The following PLXNA4 variants were observed in gnomAD, a reference collection of about 807,000 sequenced individuals.
PLXNA4 encodes plexin A4, also known as plexin-A4.
In PLXNA4, 44 loss-of-function variants were observed where a neutral mutation model predicts 191.8. That is an observed-to-expected ratio of 0.23 (90% CI 0.18 to 0.29). The LOEUF (loss-of-function observed/expected upper bound fraction) is 0.29, where lower values mean the gene tolerates loss of function less well. Ranked by LOEUF, PLXNA4 falls within the 10% of genes least tolerant of loss-of-function variation. The pLI is 1.00. For missense variants in PLXNA4, 1,800 were observed against 2,488.8 expected, an observed-to-expected ratio of 0.72 and a Z score of 5.89; for synonymous variants, 1,082 against 1,009.5, an observed-to-expected ratio of 1.07 and a Z score of -1.36.
intron 3 of PLXNA4, among the ~76,000 whole-genome samples, chr7:132,448,472 G>A (rs1300412112): frequency 6.6e-6 from 1 of 152,204 alleles, no homozygotes; most frequent in East Asian, 1.9e-4. Flanking sequence ...TTCATGAAGA[G>A]GGTGCCCAGT....
At chr7:132,354,463 G>T (rs922473744) in intron 3 of PLXNA4, among the ~76,000 whole-genome samples, 3 of 152,150 alleles carry the variant, frequency 2.0e-5, no homozygotes, top group African/African-American at 7.2e-5. Flanking sequence ...GATGGCAGAG[G>T]GTGGTAGGCA....
At chr7:132,606,089 G>A (rs913020276) in intron 2 of PLXNA4, among the ~76,000 whole-genome samples, 2 of 152,172 alleles carry the variant, frequency 1.3e-5, no homozygotes, top group East Asian at 3.9e-4. Flanking sequence ...GCTTGAACCT[G>A]GGAGGCGGAG....
At chr7:132,613,617 GTGA>G (rs1325914010) in intron 2 of PLXNA4, among the ~76,000 whole-genome samples, 3 of 152,146 alleles carry the variant, frequency 2.0e-5, no homozygotes, top group African/African-American at 7.2e-5. Context: ...GGGCGACGGG[GTGA>G]TGGAGAAAAC....
Position 132,174,793 on chromosome 7 carries a change from G to A in PLXNA4, c.4002C>T (p.Val1334=). 6.2e-7 allele frequency: 1 copy of A among 1,614,160 alleles called. No individual in the cohort carries two copies. Among genetic ancestry groups the A allele is most frequent in the Non-Finnish European group, 8.5e-7 (1 of 1,179,976 alleles). The change falls in exon 21 of 32, where the codon GTC becomes GTT. Residue 1334 remains valine, a synonymous_variant. Transcript: ENST00000321063. The part of the protein sequence containing the change: ...VLFPGIEDHP[V]LRDLEVPGYR... ...TGCTTCTCACCTCAAGGTCCCGGAG[G>A]ACAGGGTGGTCTTCAATTCCTGGGA... is the stretch of plus-strand genomic sequence containing the variant.
chr7:132,418,999 T>C (rs1794755791), intron 3 of PLXNA4, among the ~76,000 whole-genome samples: 1 of 152,214 alleles, frequency 6.6e-6, no homozygotes, highest in Non-Finnish European at 1.5e-5. Flanking sequence ...ATCTCACTTC[T>C]TGTCACCACG....
At chr7:132,611,492 CCT>C (rs2116854286) in intron 2 of PLXNA4, among the ~76,000 whole-genome samples, 1 of 152,298 alleles carries the variant, frequency 6.6e-6, no homozygotes, top group South Asian at 2.1e-4. Context: ...GTACCCAACT[CCT>C]TCACAACTTC....
At chr7:132,389,830 G>A (rs1805323672) in intron 3 of PLXNA4, among the ~76,000 whole-genome samples, 1 of 152,132 alleles carries the variant, frequency 6.6e-6, no homozygotes, top group South Asian at 2.1e-4. Context: ...GCCTGATCAG[G>A]ATAGCATTAA....
intron 3 of PLXNA4, among the ~76,000 whole-genome samples, chr7:132,319,370 G>A (rs569005624): frequency 1.3e-5 from 2 of 152,278 alleles, no homozygotes; most frequent in African/African-American, 4.8e-5. Flanking sequence ...TTGAGAAATA[G>A]AAAACTAGCA....
intron 12 of PLXNA4, among the ~76,000 whole-genome samples, chr7:132,200,313 T>C (rs1253942804): frequency 6.6e-6 from 1 of 152,082 alleles, no homozygotes; most frequent in Non-Finnish European, 1.5e-5. Context: ...CCTGGGTTGG[T>C]TTCTTGTTGA....
intron 2 of PLXNA4, among the ~76,000 whole-genome samples, chr7:132,609,917 C>A (rs375611956): frequency 1.3e-5 from 2 of 152,282 alleles, no homozygotes; most frequent in South Asian, 4.2e-4. Context: ...GAGAGATGCC[C>A]ATTTTTTCCC....
intron 12 of PLXNA4, 33 bp downstream of exon 12, chr7:132,202,613 C>T: frequency 2.1e-6 from 3 of 1,437,026 alleles, no homozygotes; most frequent in East Asian, 5.2e-5. Context: ...TGGAGCCTGC[C>T]CATTTGGAGC....
chr7:132,441,478 A>C (rs986340761), intron 3 of PLXNA4, among the ~76,000 whole-genome samples: 1 of 152,060 alleles, frequency 6.6e-6, no homozygotes, highest in African/African-American at 2.4e-5. Context: ...ATAACAACAA[A>C]ATTCTCTTAA....
rs573024027 is a variant in PLXNA4 at position 132,199,448 on chromosome 7, CA to C, written c.2587-813del. Among the ~76,000 whole-genome samples, 353 of 152,288 alleles carry C rather than the reference CA, an allele frequency of 2.3e-3. 1 individual carries two copies. Among genetic ancestry groups the C allele is most frequent in the African/African-American group, 8.0e-3 (332 of 41,568 alleles). On this transcript the variant is annotated intron_variant, in intron 12 of 31. Transcript: ENST00000321063. ...CTGGCTTTCCCTCCTAAATCAGTGT[CA>C]AAAACCCATGATTAAAATGTGAGGA...
chr7:132,434,788 T>G (rs1021400072), intron 3 of PLXNA4, among the ~76,000 whole-genome samples: 24 of 152,332 alleles, frequency 1.6e-4, no homozygotes, highest in African/African-American at 5.8e-4. Flanking sequence ...CTGCATAAGC[T>G]GGCACAGCCT....
At chr7:132,228,210 C>G (rs1336651367) in intron 6 of PLXNA4, 136 bp downstream of exon 6, 1 of 1,138,310 alleles carries the variant, frequency 8.8e-7, no homozygotes, top group African/African-American at 1.5e-5. Context: ...TGATATCCTG[C>G]ACCCTTCTCT....
chr7:132,360,287 C>T (rs1025954300), intron 3 of PLXNA4, among the ~76,000 whole-genome samples: 1 of 152,158 alleles, frequency 6.6e-6, no homozygotes, highest in Admixed American at 6.5e-5. Context: ...TGTCCCTCAT[C>T]CACATGAAGC....
At chr7:132,311,201 T>TGTGC (rs1327681030) in intron 3 of PLXNA4, among the ~76,000 whole-genome samples, 1 of 133,424 alleles carries the variant, frequency 7.5e-6, no homozygotes, top group African/African-American at 2.7e-5. Context: ...TGTGCGCGTG[T>TGTGC]GGCCTAAAGG....
intron 2 of PLXNA4, among the ~76,000 whole-genome samples, chr7:132,504,848 A>C (rs931268203): frequency 6.6e-6 from 1 of 152,226 alleles, no homozygotes; most frequent in African/African-American, 2.4e-5. Flanking sequence ...AGCCTTGTAA[A>C]TGAGTTGAGG....
At chr7:132,217,257 C>A (rs544081644) in intron 9 of PLXNA4, among the ~76,000 whole-genome samples, 6 of 152,342 alleles carry the variant, frequency 3.9e-5, no homozygotes, top group Non-Finnish European at 8.8e-5. Flanking sequence ...CCATGTCCAG[C>A]ACGTTAGTGA....
Sources: allele counts gnomAD v4.1 joint callset (sites outside exome capture counted in the v4.1 genomes callset), GRCh38; gene constraint gnomAD v4.1.1; transcripts MANE v1.5; gene names NCBI Gene and HGNC (gene_info 2026-07-23, HGNC 2026-07-21).